DDX10: variants seen among roughly 807,000 people sequenced by gnomAD.
DDX10 encodes the protein probable ATP-dependent RNA helicase DDX10.
Under a neutral mutation model 104.3 loss-of-function variants are expected in DDX10, and 74 were observed. The ratio of observed to expected loss-of-function variants is 0.71; its 90% CI spans 0.59 to 0.86. The LOEUF is 0.86. Among genes scored for constraint, DDX10 ranks in the 40% least tolerant of loss-of-function variants. The pLI, the probability that DDX10 is intolerant of heterozygous loss-of-function variation, is 0.00. For missense variants in DDX10, 952 were observed against 1,040.0 expected (o/e 0.92, Z 1.16); for synonymous variants, 351 against 353.4 (o/e 0.99, Z 0.08).
chr11:108,936,157 A>G (rs1051988183), intron 17 of DDX10, among the ~76,000 whole-genome samples: 12 of 152,202 alleles, frequency 7.9e-5, no homozygotes, highest in East Asian at 1.9e-4. Context: ...TCAGGTTATC[A>G]CAGGAACAGA....
intron 13 of DDX10, among the ~76,000 whole-genome samples, chr11:108,755,410 A>G (rs548139555): frequency 6.6e-6 from 1 of 152,178 alleles, no homozygotes; most frequent in South Asian, 2.1e-4. Flanking sequence ...GGCCCCTGAG[A>G]CAAATCTGGC....
intron 5 of DDX10, 106 bp from the exon 6 acceptor site, chr11:108,679,265 C>T (rs1025310919): frequency 1.9e-5 from 18 of 949,658 alleles, no homozygotes; most frequent in African/African-American, 1.3e-4. Context: ...CCAGTTTTTC[C>T]GCTAATGTTC....
rs190906776 is a variant in DDX10, at chr11:108,861,434, A to G, written c.2304+9225A>G. 2.6e-5 allele frequency among the ~76,000 whole-genome samples: 4 copies of G among 152,324 alleles called. No homozygotes were observed. The East Asian group carries it at 5.8e-4, about 22-fold the overall frequency. ...AAATAACCTGAATTGTAGGGTAGATAAATTGTGGCATAGTCATATGATGAA... is the reference window on the plus strand; with the variant it reads ...AAATAACCTGAATTGTAGGGTAGATGAATTGTGGCATAGTCATATGATGAA... On this transcript the variant is annotated intron_variant, in intron 16 of 17. Coordinates refer to ENST00000322536, the MANE Select transcript of DDX10 (RefSeq NM_004398.4).
At chr11:108,745,631 A>G (rs1261124672) in intron 13 of DDX10, among the ~76,000 whole-genome samples, 1 of 152,198 alleles carries the variant, frequency 6.6e-6, no homozygotes, top group Non-Finnish European at 1.5e-5. Flanking sequence ...TGATGACCTT[A>G]AGTAAATGAA....
At chr11:108,747,176 C>T (rs1238902487) in intron 13 of DDX10, among the ~76,000 whole-genome samples, 1 of 152,084 alleles carries the variant, frequency 6.6e-6, no homozygotes, top group Non-Finnish European at 1.5e-5. Context: ...TGAATTTGAG[C>T]TTGACAGTAA....
At chr11:108,918,178 T>C in intron 17 of DDX10, 160 bp downstream of exon 17, 1 of 719,658 alleles carries the variant, frequency 1.4e-6, no homozygotes, top group South Asian at 1.9e-5. Context: ...GCTGTTTTTT[T>C]ACTCATTTTG....
rs537132173 is a variant in DDX10, at chr11:108,903,286, A to ATT, written c.2305-14586_2305-14585dup. Among the ~76,000 whole-genome samples, 601 of 152,266 alleles carry ATT rather than the reference A, an allele frequency of 3.9e-3. 8 individuals carry two copies. The highest frequency in any genetic ancestry group is 0.014 in the African/African-American group (575 of 41,574). On this transcript the variant is annotated intron_variant, in intron 16 of 17. Transcript: ENST00000322536. ...TCTCCATGATCTGTCTATTCTAGAC[A>ATT]TTCCATATAAGTGGATTCATGCAAT...
At chr11:108,801,268 A>G (rs1001989774) in intron 13 of DDX10, among the ~76,000 whole-genome samples, 8 of 152,240 alleles carry the variant, frequency 5.3e-5, no homozygotes, top group East Asian at 1.9e-4. Flanking sequence ...CTAACCTGTG[A>G]CGAGAAATGA....
At position 108,940,695 on chromosome 11, in the gene DDX10, G is replaced by T. The variant is rs1328545577; in HGVS notation, c.*272G>T. The T allele has an allele frequency of 6.8e-6, 2 of 295,942 alleles. No homozygotes were observed. The highest frequency in any genetic ancestry group is 4.8e-5 in the Admixed American group (1 of 20,852). The allele number at this position is 295,942 out of a possible 1,614,324, so 18.3% of individuals were successfully genotyped here. ...TAGATTTTTATCCATGGGTTCCTAC[G>T]CCTTGTCATTGGAAACACTGCCTTT... is the stretch of plus-strand genomic sequence containing the variant. On this transcript the variant is annotated 3_prime_UTR_variant, in exon 18 of 18. Transcript: ENST00000322536.
At chr11:108,787,329 G>A (rs1258940391) in intron 13 of DDX10, among the ~76,000 whole-genome samples, 2 of 152,024 alleles carry the variant, frequency 1.3e-5, no homozygotes, top group Admixed American at 6.5e-5. Context: ...CCTTGGAATG[G>A]TCATGTTGTA....
At chr11:108,915,988 G>T (rs1358899633) in intron 16 of DDX10, among the ~76,000 whole-genome samples, 3 of 148,198 alleles carry the variant, frequency 2.0e-5, no homozygotes, top group African/African-American at 2.5e-5. Context: ...GGAAATTACA[G>T]CTATTTTTCA....
At chr11:108,831,364 A>G (rs1013982319) in intron 13 of DDX10, among the ~76,000 whole-genome samples, 5 of 141,828 alleles carry the variant, frequency 3.5e-5, no homozygotes, top group Admixed American at 8.0e-5. Context: ...AGATCGAGCC[A>G]CTGCACTCTT....
chr11:108,686,257 C>T (rs1367534558), intron 6 of DDX10, among the ~76,000 whole-genome samples: 2 of 152,140 alleles, frequency 1.3e-5, no homozygotes, highest in East Asian at 3.9e-4. Context: ...ATCCTTATCA[C>T]CCAAAGTCTG....
intron 13 of DDX10, among the ~76,000 whole-genome samples, chr11:108,744,909 A>C (rs1591807371): frequency 6.6e-6 from 1 of 152,182 alleles, no homozygotes; most frequent in Non-Finnish European, 1.5e-5. Context: ...TAGATGTGAT[A>C]GGTGAAGAAA....
rs930566164 is a variant in DDX10, at chr11:108,800,402, G to A, written c.1966-38044G>A. 4.5e-5 allele frequency among the ~76,000 whole-genome samples: 6 copies of A among 133,046 alleles called. No individual in the cohort carries two copies. In the East Asian group the frequency reaches 1.1e-3, roughly 24 times the overall value. The allele number at this position is 133,046 out of a possible 152,430, so 87.3% of individuals were successfully genotyped here. On this transcript the variant is annotated intron_variant, in intron 13 of 17. Coordinates refer to ENST00000322536, the MANE Select transcript of DDX10 (RefSeq NM_004398.4). ...AGAGCTTGCAGTGAGCCGAGATCGC[G>A]CCACTGCTCTCCAGCCTGGGCGACA...
chr11:108,940,187 T>G, intron 17 of DDX10, 59 bp from the exon 18 acceptor site: 1 of 1,544,352 alleles, frequency 6.5e-7, no homozygotes, highest in Non-Finnish European at 8.8e-7. Flanking sequence ...TTTTGTCCTA[T>G]TTTAAATGTT....
At chr11:108,733,985 C>T (rs1170718642) in intron 13 of DDX10, among the ~76,000 whole-genome samples, 1 of 152,116 alleles carries the variant, frequency 6.6e-6, no homozygotes, top group Non-Finnish European at 1.5e-5. Flanking sequence ...ATTTTCTTCC[C>T]ACTCCAGCAT....
chr11:108,729,615 C>T (rs941902221), intron 13 of DDX10, among the ~76,000 whole-genome samples: 2 of 151,640 alleles, frequency 1.3e-5, no homozygotes, highest in Non-Finnish European at 2.9e-5. Flanking sequence ...CATATGATGC[C>T]TGACTGGATT....
At chr11:108,918,305 T>C (rs79703368) in intron 17 of DDX10, 3 of 391,282 alleles carry the variant, frequency 7.7e-6, no homozygotes, top group Admixed American at 4.3e-5. Context: ...TTTTTTTTTT[T>C]CTTATCTTTC....
Sources: gnomAD v4.1 joint callset for allele counts (sites outside exome capture counted in the v4.1 genomes callset) on GRCh38, gnomAD v4.1.1 for gene constraint, MANE v1.5 for transcripts, NCBI Gene and HGNC (gene_info 2026-07-23, HGNC 2026-07-21) for gene names.